NHSL1: variants seen among roughly 807,000 people sequenced by gnomAD.
NHSL1 encodes NHS like 1.
In NHSL1, 48 loss-of-function variants were observed where a neutral mutation model predicts 95.0. That is an observed-to-expected ratio of 0.51 (90% CI 0.40 to 0.64). The LOEUF (loss-of-function observed/expected upper bound fraction) is 0.64, where lower values mean the gene tolerates loss of function less well. Ranked by LOEUF, NHSL1 falls within the 30% of genes least tolerant of loss-of-function variation. The pLI, the probability that NHSL1 is intolerant of heterozygous loss-of-function variation, is 0.00. For synonymous variants in NHSL1, 783 were observed against 833.9 expected (o/e 0.94, Z 1.05); for missense variants, 1,971 against 2,077.7 (o/e 0.95, Z 1.00).
intron 3 of NHSL1, 71 bp from the exon 4 acceptor site, chr6:138,447,264 T>A: frequency 7.7e-7 from 1 of 1,297,356 alleles, no homozygotes; most frequent in African/African-American, 1.5e-5. Flanking sequence ...ATATATTTCT[T>A]ATTTTTAAAA....
rs1230629499 is a variant in NHSL1, at chr6:138,423,027, C to G, written c.*1054G>C. ...TTCTTTGGTGTAACCAAAAGGATAT[C>G]CAAAAGTTAGCAAATGTTGACATTT... On this transcript the variant is annotated 3_prime_UTR_variant, in exon 8 of 8. Coordinates refer to ENST00000343505, the MANE Select transcript of NHSL1 (RefSeq NM_001144060.2). 1.4e-5 allele frequency: 2 copies of G among 147,222 alleles called. No homozygotes were observed. The highest frequency in any genetic ancestry group is 3.0e-5 in the Non-Finnish European group (2 of 67,358). 9.1% of individuals were successfully genotyped at this position (147,222 alleles called of 1,614,324 possible). A position where few individuals can be genotyped will look rare whatever the true frequency, so the allele number is the denominator to read the frequency against.
chr6:138,455,990 A>G (rs1007292486), intron 3 of NHSL1, among the ~76,000 whole-genome samples: 5 of 152,340 alleles, frequency 3.3e-5, no homozygotes, highest in African/African-American at 1.2e-4. Flanking sequence ...CAGCTTAACA[A>G]TACTTATCAT....
intron 1 of NHSL1, among the ~76,000 whole-genome samples, chr6:138,662,554 T>C (rs915724143): frequency 1.3e-5 from 2 of 152,228 alleles, no homozygotes; most frequent in Admixed American, 1.3e-4. Context: ...TATCGTATTA[T>C]GGCTCCTTTA....
At chr6:138,573,536 A>C (rs932252249), upstream of NHSL1, among the ~76,000 whole-genome samples, 2 of 152,226 alleles carry the variant, frequency 1.3e-5, no homozygotes, top group Middle Eastern at 3.2e-3. Flanking sequence ...TTTAAGAAGA[A>C]GGCTCTACAA....
chr6:138,610,378 C>T (rs908808898), intron 1 of NHSL1, among the ~76,000 whole-genome samples: 3 of 151,576 alleles, frequency 2.0e-5, no homozygotes, highest in Admixed American at 6.6e-5. Context: ...CATCACACAC[C>T]GGGGCCTGTA....
chr6:138,650,386 T>G, intron 1 of NHSL1: 1 of 1,406,644 alleles, frequency 7.1e-7, no homozygotes, highest in Non-Finnish European at 9.9e-7. Flanking sequence ...TTCACAGCCA[T>G]GAGGTCGCCG....
intron 1 of NHSL1, among the ~76,000 whole-genome samples, chr6:138,516,556 C>T (rs191215885): frequency 6.6e-5 from 10 of 152,178 alleles, no homozygotes; most frequent in Non-Finnish European, 1.3e-4. Context: ...CCTTAGAACT[C>T]TCAGTTAGCA....
intron 3 of NHSL1, among the ~76,000 whole-genome samples, chr6:138,451,863 T>G (rs537312729): frequency 6.6e-6 from 1 of 152,158 alleles, no homozygotes; most frequent in Non-Finnish European, 1.5e-5. Context: ...TAAATAAGAA[T>G]GAAACCTTTT....
rs988883745 is a variant in NHSL1, at chr6:138,451,033, G to A, written c.340-3840C>T. Reference sequence around the variant, plus strand: ...ATAGTCTACTCTCAATACAGCAGGCGAAGGAATCCTTTTAGAAATGTAAGT... The same window carrying A: ...ATAGTCTACTCTCAATACAGCAGGCAAAGGAATCCTTTTAGAAATGTAAGT... On this transcript the variant is annotated intron_variant, in intron 3 of 7. Coordinates refer to ENST00000343505, the MANE Select transcript of NHSL1 (RefSeq NM_001144060.2). Among the ~76,000 whole-genome samples, 5 of 152,042 alleles carry A rather than the reference G, an allele frequency of 3.3e-5. No individual in the cohort carries two copies. The East Asian group carries it at 9.6e-4, about 29-fold the overall frequency.
chr6:138,452,361 T>A (rs1777292187), intron 3 of NHSL1, among the ~76,000 whole-genome samples: 1 of 152,242 alleles, frequency 6.6e-6, no homozygotes, highest in African/African-American at 2.4e-5. Context: ...CTTTCCCATA[T>A]ATTCTCATAC....
chr6:138,524,332 A>C (rs1318148544), intron 1 of NHSL1, among the ~76,000 whole-genome samples: 1 of 152,228 alleles, frequency 6.6e-6, no homozygotes, highest in African/African-American at 2.4e-5. Context: ...ACCAGCACCC[A>C]GATCAAGATA....
chr6:138,573,210 A>T (rs180917595), upstream of NHSL1, among the ~76,000 whole-genome samples: 1 of 152,194 alleles, frequency 6.6e-6, no homozygotes, highest in African/African-American at 2.4e-5. Context: ...TCTGCAAACT[A>T]TCTAGAGCCA....
At chr6:138,678,360 G>T (rs1055732995) in intron 1 of NHSL1, among the ~76,000 whole-genome samples, 3 of 152,252 alleles carry the variant, frequency 2.0e-5, no homozygotes, top group African/African-American at 7.2e-5. Context: ...TTTCATCAGT[G>T]CAGCTCAAAG....
chr6:138,648,058 T>C (rs1464899275), intron 1 of NHSL1, among the ~76,000 whole-genome samples: 4 of 152,200 alleles, frequency 2.6e-5, no homozygotes, highest in Non-Finnish European at 5.9e-5. Context: ...CATTGTTTCC[T>C]TCCCTCTTGG....
At chr6:138,684,687 A>C (rs1785561584) in intron 1 of NHSL1, among the ~76,000 whole-genome samples, 1 of 152,108 alleles carries the variant, frequency 6.6e-6, no homozygotes, top group African/African-American at 2.4e-5. Flanking sequence ...GGGGCCTGTA[A>C]GCTCCTTTTC....
chr6:138,650,698 G>T, intron 1 of NHSL1: 1 of 551,536 alleles, frequency 1.8e-6, no homozygotes, highest in East Asian at 4.9e-5. Flanking sequence ...TGCAGGGGGT[G>T]GGTCAACATG....
intron 2 of NHSL1, among the ~76,000 whole-genome samples, chr6:138,477,689 T>C (rs938546849): frequency 6.6e-6 from 1 of 152,160 alleles, no homozygotes; most frequent in Non-Finnish European, 1.5e-5. Context: ...TACTCAAACA[T>C]TACTTTTACA....
chr6:138,639,312 T>C (rs1435223402), intron 1 of NHSL1, among the ~76,000 whole-genome samples: 5 of 152,164 alleles, frequency 3.3e-5, no homozygotes, highest in African/African-American at 1.2e-4. Flanking sequence ...ATAATTCCCC[T>C]ATAACAACTT....
chr6:138,528,690 A>G (rs920124303), intron 1 of NHSL1, among the ~76,000 whole-genome samples: 76 of 152,350 alleles, frequency 5.0e-4, no homozygotes, highest in African/African-American at 1.8e-3. Context: ...TCAACTGTTT[A>G]AATATTTAAT....
Sources: gnomAD v4.1 joint callset for allele counts (sites outside exome capture counted in the v4.1 genomes callset) on GRCh38, gnomAD v4.1.1 for gene constraint, MANE v1.5 for transcripts, NCBI Gene and HGNC (gene_info 2026-07-23, HGNC 2026-07-21) for gene names.